DISP1: variants seen among roughly 807,000 people sequenced by gnomAD.
DISP1 encodes the protein protein dispatched homolog 1.
In DISP1, 30 loss-of-function variants were observed where a neutral mutation model predicts 37.3. That is an observed-to-expected ratio of 0.80 (90% CI 0.60 to 1.09). DISP1 has a LOEUF of 1.09. Among genes scored for constraint, DISP1 ranks in the 50% least tolerant of loss-of-function variants. The pLI is 0.00. For missense variants in DISP1, 1,598 were observed against 1,879.5 expected (o/e 0.85, Z 2.77); for synonymous variants, 634 against 690.2 (o/e 0.92, Z 1.28).
intron 1 of DISP1, among the ~76,000 whole-genome samples, chr1:222,865,693 T>G (rs1669145108): frequency 6.6e-6 from 1 of 152,170 alleles, no homozygotes; most frequent in South Asian, 2.1e-4. Flanking sequence ...GCAAAGTGGT[T>G]TTGTCATATC....
intron 1 of DISP1, among the ~76,000 whole-genome samples, chr1:222,864,280 A>G (rs1055637957): frequency 1.3e-5 from 2 of 152,148 alleles, no homozygotes; most frequent in Non-Finnish European, 2.9e-5. Context: ...AGTAACTTAT[A>G]TTTGTTTTAA....
rs1046483640 is a variant in DISP1 at position 222,817,472 on chromosome 1, C to T, written c.-159+2394C>T. 4.6e-5 allele frequency among the ~76,000 whole-genome samples: 7 copies of T among 152,172 alleles called. No individual in the cohort carries two copies. In the East Asian group the frequency reaches 9.6e-4, roughly 21 times the overall value. ...TTATCAATTTTCTGATTATATAGTACGTTCTCAATTATCGGCATACTCTAG... is the reference window on the plus strand; with the variant it reads ...TTATCAATTTTCTGATTATATAGTATGTTCTCAATTATCGGCATACTCTAG... On this transcript the variant is annotated intron_variant, in intron 1 of 8. Coordinates refer to ENST00000675850, the MANE Select transcript of DISP1 (RefSeq NM_001377229.1).
In DISP1 at chr1:222,944,131, T is replaced by C. The variant is rs562487091; in HGVS notation, c.509+799T>C. Among the ~76,000 whole-genome samples, 32 of 152,312 alleles carry C rather than the reference T, an allele frequency of 2.1e-4. 1 individual carries two copies. The South Asian group carries it at 6.4e-3, about 31-fold the overall frequency. On this transcript the variant is annotated intron_variant, in intron 3 of 8. Coordinates refer to ENST00000675850, the MANE Select transcript of DISP1 (RefSeq NM_001377229.1). ...TTCTATTCCTGTGTTTTGGTGACTATGTGGTATGCTGAGATCAAATGAAAG... is the reference window on the plus strand; with the variant it reads ...TTCTATTCCTGTGTTTTGGTGACTACGTGGTATGCTGAGATCAAATGAAAG...
chr1:222,850,861 G>T (rs908951329), intron 1 of DISP1, among the ~76,000 whole-genome samples: 13 of 151,850 alleles, frequency 8.6e-5, no homozygotes, highest in Admixed American at 8.5e-4. Context: ...GGACATTTAG[G>T]TTGATTTCAT....
chr1:222,933,651 T>C lies in DISP1; in HGVS notation c.-18+5081T>C, dbSNP rs149832545. 2.6e-3 allele frequency among the ~76,000 whole-genome samples: 389 copies of C among 152,104 alleles called. 1 individual carries two copies. The highest frequency in any genetic ancestry group is 8.9e-3 in the African/African-American group (370 of 41,550). On this transcript the variant is annotated intron_variant, in intron 2 of 8. Transcript: ENST00000675850. ...TTATGCTTAAGGGGAATACTAGAAT[T>C]AACACCTTATTTTTGTATAGGCCTT...
At chr1:222,819,008 C>A (rs941197913) in intron 1 of DISP1, among the ~76,000 whole-genome samples, 1 of 152,150 alleles carries the variant, frequency 6.6e-6, no homozygotes, top group African/African-American at 2.4e-5. Flanking sequence ...AATTGTAATT[C>A]TCAGTGTTAG....
intron 1 of DISP1, among the ~76,000 whole-genome samples, chr1:222,851,312 C>T (rs947318305): frequency 6.6e-6 from 1 of 152,012 alleles, no homozygotes; most frequent in Non-Finnish European, 1.5e-5. Context: ...GTGATCCGCC[C>T]GCCTCCGCCT....
In DISP1 at chr1:222,943,212, A is replaced by G; in HGVS notation, c.389A>G (p.Asn130Ser). 6.2e-7 allele frequency: 1 copy of G among 1,609,840 alleles called. No individual in the cohort carries two copies. The highest frequency in any genetic ancestry group is 8.5e-7 in the Non-Finnish European group (1 of 1,176,470). ...GAGTATTCTGCATCTCTTTGTCCAAATCATTCACCTGTGTATCAGACTACG... is the reference window on the plus strand; with the variant it reads ...GAGTATTCTGCATCTCTTTGTCCAAGTCATTCACCTGTGTATCAGACTACG... ...HSEYSASLCP[N>S]HSPVYQTTCC... Residue 130 changes from asparagine (N) to serine (S), a missense_variant, in exon 3 of 9, where the codon AAT (asparagine) becomes AGT (serine). Coordinates refer to ENST00000675850, the MANE Select transcript of DISP1 (RefSeq NM_001377229.1).
rs1320965641 is a variant in DISP1 at position 222,885,859 on chromosome 1, A to G, written c.-158-42571A>G. Among the ~76,000 whole-genome samples the G allele has an allele frequency of 2.6e-5, 4 of 152,016 alleles. 1 individual carries two copies. On this transcript the variant is annotated intron_variant, in intron 1 of 8. Transcript: ENST00000675850. ...TAGCATTCAGAGTTCCTCCATGTCT[A>G]TCATGGGGATACACACACACACACA...
At chr1:222,859,743 T>A (rs950405759) in intron 1 of DISP1, among the ~76,000 whole-genome samples, 2 of 152,170 alleles carry the variant, frequency 1.3e-5, no homozygotes, top group Non-Finnish European at 2.9e-5. Flanking sequence ...AGAGGAAAAC[T>A]ATGCTCTCCA....
chr1:222,852,553 T>A (rs1334508201), intron 1 of DISP1, among the ~76,000 whole-genome samples: 1 of 152,178 alleles, frequency 6.6e-6, no homozygotes, highest in East Asian at 1.9e-4. Context: ...TGAATCATCA[T>A]GACAGCCTGA....
intron 3 of DISP1, among the ~76,000 whole-genome samples, chr1:222,971,144 T>C (rs1376226381): frequency 6.6e-6 from 1 of 152,160 alleles, no homozygotes; most frequent in Non-Finnish European, 1.5e-5. Context: ...TTAAAGCTTT[T>C]GACAATGATT....
intron 1 of DISP1, among the ~76,000 whole-genome samples, chr1:222,892,005 G>A (rs1398641907): frequency 6.6e-6 from 1 of 151,928 alleles, no homozygotes; most frequent in East Asian, 1.9e-4. Context: ...GGTGGGGAGA[G>A]GAGAGGAGAG....
rs539324220 is a variant in DISP1, at chr1:222,828,855, T to C, written c.-159+13777T>C. ...ACATTAAAAAAAAATTTTAAGTACTTAAATACAACAATTTTTGGTGATCTC... is the reference window on the plus strand; with the variant it reads ...ACATTAAAAAAAAATTTTAAGTACTCAAATACAACAATTTTTGGTGATCTC... On this transcript the variant is annotated intron_variant, in intron 1 of 8. Coordinates refer to ENST00000675850, the MANE Select transcript of DISP1 (RefSeq NM_001377229.1). Among the ~76,000 whole-genome samples the C allele has an allele frequency of 2.0e-5, 3 of 152,330 alleles. No individual in the cohort carries two copies. In the East Asian group the frequency reaches 5.8e-4, roughly 29 times the overall value.
chr1:222,817,519 C>T (rs938023270), intron 1 of DISP1, among the ~76,000 whole-genome samples: 2 of 152,192 alleles, frequency 1.3e-5, no homozygotes, highest in Non-Finnish European at 2.9e-5. Context: ...TTTCCTGCCA[C>T]TTGATAGAAT....
At chr1:222,856,443 T>C (rs1033775038) in intron 1 of DISP1, among the ~76,000 whole-genome samples, 7 of 152,222 alleles carry the variant, frequency 4.6e-5, no homozygotes, top group African/African-American at 1.7e-4. Flanking sequence ...ATAGTTGGCC[T>C]TTTCCACACT....
chr1:222,848,183 C>G (rs969505428), intron 1 of DISP1, among the ~76,000 whole-genome samples: 1 of 152,020 alleles, frequency 6.6e-6, no homozygotes, highest in Non-Finnish European at 1.5e-5. Context: ...TGTTCTTTTA[C>G]TATATTCTTC....
intron 3 of DISP1, among the ~76,000 whole-genome samples, chr1:222,967,162 A>C (rs923351634): frequency 1.3e-5 from 2 of 152,154 alleles, no homozygotes; most frequent in Admixed American, 6.6e-5. Context: ...ACATGTATAC[A>C]TATGTAGAAA....
At chr1:222,841,751 CTG>C (rs1470587817) in intron 1 of DISP1, among the ~76,000 whole-genome samples, 1 of 151,920 alleles carries the variant, frequency 6.6e-6, no homozygotes, top group African/African-American at 2.4e-5. Flanking sequence ...TATTTGATGT[CTG>C]TGTGCTAATA....
Sources: gnomAD v4.1 joint callset for allele counts (sites outside exome capture counted in the v4.1 genomes callset) on GRCh38, gnomAD v4.1.1 for gene constraint, MANE v1.5 for transcripts, NCBI Gene and HGNC (gene_info 2026-07-23, HGNC 2026-07-21) for gene names.